PHF21A: variants seen among roughly 807,000 people sequenced by gnomAD.
The protein encoded by PHF21A is BHC80a.
Under a neutral mutation model 82.5 loss-of-function variants are expected in PHF21A, and 11 were observed. The ratio of observed to expected loss-of-function variants is 0.13; its 90% CI spans 0.08 to 0.22. The LOEUF is 0.22. Ranked by LOEUF, PHF21A falls within the 10% of genes least tolerant of loss-of-function variation. The pLI is 1.00. For missense variants in PHF21A, 579 were observed against 837.8 expected (o/e 0.69, Z 3.81); for synonymous variants, 297 against 302.8 (o/e 0.98, Z 0.20).
intron 3 of PHF21A, among the ~76,000 whole-genome samples, chr11:46,087,858 T>C (rs1338002562): frequency 6.6e-6 from 1 of 152,140 alleles, no homozygotes; most frequent in African/African-American, 2.4e-5. Context: ...TGGGCTCAAG[T>C]GATCCTCCTG....
chr11:46,069,945 A>G (rs543335087), intron 6 of PHF21A, among the ~76,000 whole-genome samples: 9 of 152,342 alleles, frequency 5.9e-5, no homozygotes, highest in African/African-American at 2.2e-4. Context: ...CATGCACTCA[A>G]TGGATACACG....
At chr11:45,968,645 C>T (rs1056737505) in intron 9 of PHF21A, among the ~76,000 whole-genome samples, 5 of 151,964 alleles carry the variant, frequency 3.3e-5, no homozygotes, top group South Asian at 4.2e-4. Flanking sequence ...AATAGGCAGG[C>T]AGGCCGGGCG....
In PHF21A at chr11:46,079,124, G is replaced by A. The variant is rs1257054644; in HGVS notation, c.87+10C>T. 6.6e-7 allele frequency: 1 copy of A among 1,518,972 alleles called. No homozygotes were observed. The highest frequency in any genetic ancestry group is 9.0e-7 in the Non-Finnish European group (1 of 1,105,766). The allele number at this position is 1,518,972 out of a possible 1,614,324, so 94.1% of individuals were successfully genotyped here. On this transcript the variant is annotated intron_variant, in intron 5 of 18. Transcript: ENST00000676320. ...TTTAACAATTAAATGAATAACAATA[G>A]TAGTTTTACCTGTGGATCCTGCTTC...
chr11:45,950,042 A>G (rs2091895223), intron 12 of PHF21A, among the ~76,000 whole-genome samples, 164 bp downstream of exon 12: 1 of 152,214 alleles, frequency 6.6e-6, no homozygotes, highest in African/African-American at 2.4e-5. Context: ...AACATTAGAC[A>G]GAGGGAAGGC....
At chr11:45,955,097 C>G (rs891786533) in intron 10 of PHF21A, among the ~76,000 whole-genome samples, 1 of 152,196 alleles carries the variant, frequency 6.6e-6, no homozygotes, top group African/African-American at 2.4e-5. Flanking sequence ...CTGGTGTTCT[C>G]TCGTATTTCC....
At chr11:46,115,586 A>G (rs1418155538) in intron 1 of PHF21A, among the ~76,000 whole-genome samples, 1 of 152,192 alleles carries the variant, frequency 6.6e-6, no homozygotes, top group Non-Finnish European at 1.5e-5. Context: ...TCAAAACGTT[A>G]AAGAATTCTT....
Position 46,096,802 on chromosome 11 carries a change from C to T in PHF21A, c.-236-4579G>A, listed in dbSNP as rs190362497. On this transcript the variant is annotated intron_variant, in intron 1 of 18. Transcript: ENST00000676320. ...GTTTATCTCTAGCACATATCCTTCC[C>T]CTGAATTCCAAACTCATATACCCAA... is the stretch of plus-strand genomic sequence containing the variant. Among the ~76,000 whole-genome samples the T allele has an allele frequency of 8.5e-5, 13 of 152,240 alleles. No homozygotes were observed. In the East Asian group the frequency reaches 2.1e-3, roughly 25 times the overall value.
chr11:46,108,717 T>C (rs1395683792), intron 1 of PHF21A, among the ~76,000 whole-genome samples: 1 of 152,102 alleles, frequency 6.6e-6, no homozygotes, highest in Non-Finnish European at 1.5e-5. Flanking sequence ...TTGTAATATT[T>C]CTTGAAAGGA....
chr11:46,081,578 T>C (rs924794133), intron 4 of PHF21A, among the ~76,000 whole-genome samples: 1 of 152,226 alleles, frequency 6.6e-6, no homozygotes, highest in Non-Finnish European at 1.5e-5. Flanking sequence ...GCAGTTAAAC[T>C]GCATTTCAGA....
intron 1 of PHF21A, among the ~76,000 whole-genome samples, chr11:46,101,237 T>C (rs893330778): frequency 6.6e-6 from 1 of 152,218 alleles, no homozygotes; most frequent in Non-Finnish European, 1.5e-5. Flanking sequence ...AAGTTAGTGG[T>C]GGCTCAGACA....
intron 6 of PHF21A, among the ~76,000 whole-genome samples, chr11:46,062,346 C>A (rs2096545773): frequency 6.6e-6 from 1 of 152,114 alleles, no homozygotes; most frequent in African/African-American, 2.4e-5. Flanking sequence ...AGGCATGAGA[C>A]TTTCTGGGTG....
At chr11:45,994,924 T>C (rs996974373) in intron 6 of PHF21A, among the ~76,000 whole-genome samples, 2 of 152,208 alleles carry the variant, frequency 1.3e-5, no homozygotes, top group South Asian at 2.1e-4. Flanking sequence ...TTACTAAATA[T>C]TTCTGATAAT....
At chr11:45,967,658 A>G (rs1236471797) in intron 9 of PHF21A, among the ~76,000 whole-genome samples, 3 of 152,042 alleles carry the variant, frequency 2.0e-5, no homozygotes, top group African/African-American at 7.2e-5. Flanking sequence ...TTGAAGACAA[A>G]TGTCTGATGC....
At position 45,931,562 on chromosome 11, in the gene PHF21A, T is replaced by C. The variant is rs1271427652; in HGVS notation, c.*2406A>G. Reference sequence around the variant, plus strand: ...TGGGAAGATGAAAGGCGATGGCTGATAGAGATGAGACACATTTTACTCTAA... The same window carrying C: ...TGGGAAGATGAAAGGCGATGGCTGACAGAGATGAGACACATTTTACTCTAA... On this transcript the variant is annotated 3_prime_UTR_variant, in exon 19 of 19. Transcript: ENST00000676320. 2.0e-5 allele frequency: 3 copies of C among 152,276 alleles called. No homozygotes were observed. Among genetic ancestry groups the C allele is most frequent in the African/African-American group, 7.2e-5 (3 of 41,474 alleles). The allele number at this position is 152,276 out of a possible 1,614,324, so 9.4% of individuals were successfully genotyped here. A position where few individuals can be genotyped will look rare whatever the true frequency, so the allele number is the denominator to read the frequency against.
At chr11:46,018,505 C>G (rs894278526) in intron 6 of PHF21A, among the ~76,000 whole-genome samples, 1 of 152,132 alleles carries the variant, frequency 6.6e-6, no homozygotes, top group Non-Finnish European at 1.5e-5. Flanking sequence ...TGTCTAAAGA[C>G]TTCATCTCTC....
At chr11:45,978,500 A>G (rs557868295) in intron 7 of PHF21A, among the ~76,000 whole-genome samples, 1 of 152,322 alleles carries the variant, frequency 6.6e-6, no homozygotes, top group East Asian at 1.9e-4. Flanking sequence ...AAAATGTTGC[A>G]CATGAACCAG....
chr11:46,092,058 T>G (rs937763945), intron 2 of PHF21A, 125 bp downstream of exon 2: 1 of 146,808 alleles, frequency 6.8e-6, no homozygotes, highest in Non-Finnish European at 1.5e-5. Context: ...TTAGTGCAAA[T>G]AGCAAAGCCC....
intron 2 of PHF21A, among the ~76,000 whole-genome samples, chr11:46,091,060 G>C (rs2096918696): frequency 6.6e-6 from 1 of 152,092 alleles, no homozygotes; most frequent in Admixed American, 6.5e-5. Context: ...GAATAAAAAG[G>C]TAGTAAATGC....
chr11:46,094,580 C>T (rs989618736), intron 1 of PHF21A, among the ~76,000 whole-genome samples: 7 of 152,150 alleles, frequency 4.6e-5, no homozygotes, highest in African/African-American at 1.7e-4. Context: ...AAAGAAAAAT[C>T]ACATAAGCCA....
Sources: gnomAD v4.1 joint callset for allele counts (sites outside exome capture counted in the v4.1 genomes callset) on GRCh38, gnomAD v4.1.1 for gene constraint, MANE v1.5 for transcripts, NCBI Gene and HGNC (gene_info 2026-07-23, HGNC 2026-07-21) for gene names.